The following KCNT2 variants were observed in gnomAD, a reference collection of about 807,000 sequenced individuals.
KCNT2 encodes potassium channel subfamily T member 2.
KCNT2 carries 67 observed loss-of-function variants against 153.8 expected under a neutral mutation model. That is an observed-to-expected ratio of 0.44 (90% CI 0.36 to 0.53). The LOEUF (loss-of-function observed/expected upper bound fraction) is 0.53, where lower values mean the gene tolerates loss of function less well. KCNT2 is among the 20% of genes least tolerant of loss of function. The pLI, the probability that KCNT2 is intolerant of heterozygous loss-of-function variation, is 0.00. For synonymous variants in KCNT2, 500 were observed against 458.8 expected (o/e 1.09, Z -1.15); for missense variants, 975 against 1,354.8 (o/e 0.72, Z 4.40).
intron 8 of KCNT2, among the ~76,000 whole-genome samples, chr1:196,440,417 T>C (rs1675123412): frequency 6.6e-6 from 1 of 152,050 alleles, no homozygotes; most frequent in African/African-American, 2.4e-5. Flanking sequence ...ATTGCACTAA[T>C]ATTTATTGTG....
intron 1 of KCNT2, among the ~76,000 whole-genome samples, chr1:196,605,158 C>T (rs1213551680): frequency 6.6e-6 from 1 of 152,174 alleles, no homozygotes; most frequent in Non-Finnish European, 1.5e-5. Context: ...AACACAATTC[C>T]CCCATCATTA....
rs879663761 is a variant in KCNT2 at position 196,445,905 on chromosome 1, CA to C, written c.639-16149del. Among the ~76,000 whole-genome samples, 414 of 141,848 alleles carry C rather than the reference CA, an allele frequency of 2.9e-3. 3 individuals are homozygous for C. Among genetic ancestry groups the C allele is most frequent in the African/African-American group, 5.7e-3 (227 of 39,564 alleles). The allele number at this position is 141,848 out of a possible 152,430, so 93.1% of individuals were successfully genotyped here. Reference sequence around the variant, plus strand: ...ATCTTTACAGAATGGCCTCTTAGACCAAAAAAAAAAAATTACTGCAAATTAC... The same window carrying C: ...ATCTTTACAGAATGGCCTCTTAGACCAAAAAAAAAAATTACTGCAAATTAC... On this transcript the variant is annotated intron_variant, in intron 8 of 27. Transcript: ENST00000294725.
intron 21 of KCNT2, among the ~76,000 whole-genome samples, chr1:196,310,712 T>C (rs1662086649): frequency 1.3e-5 from 2 of 151,896 alleles, no homozygotes; most frequent in South Asian, 2.1e-4. Flanking sequence ...TCTATGCTCT[T>C]ATAGTTGTGG....
At chr1:196,375,041 T>C (rs1224153948) in intron 13 of KCNT2, among the ~76,000 whole-genome samples, 1 of 151,824 alleles carries the variant, frequency 6.6e-6, no homozygotes, top group Non-Finnish European at 1.5e-5. Context: ...GGATGTGTTA[T>C]ACTTTGAAAA....
At chr1:196,264,420 C>A (rs1191652628) in intron 25 of KCNT2, among the ~76,000 whole-genome samples, 1 of 152,016 alleles carries the variant, frequency 6.6e-6, no homozygotes, top group Non-Finnish European at 1.5e-5. Flanking sequence ...AAATTTAAGT[C>A]TTCTCCATCA....
In KCNT2 at chr1:196,340,417, C is replaced by T; in HGVS notation, c.1707G>A (p.Gln569=). The T allele has an allele frequency of 6.2e-7, 1 of 1,612,828 alleles. No individual in the cohort carries two copies. Among genetic ancestry groups the T allele is most frequent in the Non-Finnish European group, 8.5e-7 (1 of 1,179,290 alleles). The part of the protein sequence containing the change: ...ENSAFKNQDQ[Q]RKSNVSRSFY... ...ACGACCTGGACACATTGCTTTTTCT[C>T]TGCTGGTCTTGGTTTTTAAATGCTG... The change falls in exon 16 of 28, where the codon CAG becomes CAA. Residue 569 remains glutamine (Q), a synonymous_variant. Coordinates refer to ENST00000294725, the MANE Select transcript of KCNT2 (RefSeq NM_198503.5).
At chr1:196,577,507 A>G (rs771607697) in intron 1 of KCNT2, among the ~76,000 whole-genome samples, 2 of 152,184 alleles carry the variant, frequency 1.3e-5, no homozygotes, top group Non-Finnish European at 2.9e-5. Flanking sequence ...CACAGATAAT[A>G]GATTCCAGAG....
At chr1:196,550,978 G>T (rs796459927) in intron 1 of KCNT2, among the ~76,000 whole-genome samples, 2 of 151,936 alleles carry the variant, frequency 1.3e-5, no homozygotes, top group East Asian at 3.9e-4. Context: ...GATATTTGCA[G>T]AATTTGTGCC....
chr1:196,546,609 A>G (rs1657135532), intron 1 of KCNT2, among the ~76,000 whole-genome samples: 1 of 152,074 alleles, frequency 6.6e-6, no homozygotes, highest in Non-Finnish European at 1.5e-5. Context: ...AGTAGTATAA[A>G]AGGAAAAACC....
intron 22 of KCNT2, among the ~76,000 whole-genome samples, chr1:196,290,842 T>C (rs1660125572): frequency 6.6e-6 from 1 of 152,048 alleles, no homozygotes; most frequent in African/African-American, 2.4e-5. Context: ...TAATGTCTCT[T>C]TTCAGATAAA....
intron 25 of KCNT2, among the ~76,000 whole-genome samples, chr1:196,264,118 A>C (rs1041000024): frequency 3.9e-5 from 6 of 151,950 alleles, no homozygotes; most frequent in African/African-American, 1.5e-4. Context: ...ATAAGGCTTC[A>C]ATTTCTTAAT....
intron 25 of KCNT2, among the ~76,000 whole-genome samples, chr1:196,265,156 G>T (rs1015254631): frequency 6.6e-6 from 1 of 152,192 alleles, no homozygotes; most frequent in African/African-American, 2.4e-5. Context: ...ATCTATGAAA[G>T]GTAGTCTTAA....
At chr1:196,486,703 G>A (rs1365949589) in intron 3 of KCNT2, among the ~76,000 whole-genome samples, 1 of 25,404 alleles carries the variant, frequency 3.9e-5, no homozygotes. Context: ...CTCAAAGACT[G>A]GTAGCTCTAA....
rs375964401 is a variant in KCNT2, at chr1:196,305,315, C to T, written c.2514G>A (p.Glu838=). ...ATCTCATGTTGGCGGGGTGAGTTAGCTCTGTGATAATACTGAGACTGGAAA... is the reference window on the plus strand; with the variant it reads ...ATCTCATGTTGGCGGGGTGAGTTAGTTCTGTGATAATACTGAGACTGGAAA... ...RLFSSLSIIT[E]LTHPANMRFM... Residue 838 remains glutamate, a synonymous_variant, in exon 22 of 28, where the codon GAG becomes GAA. Transcript: ENST00000294725. 1.2e-6 allele frequency: 2 copies of T among 1,610,990 alleles called. No homozygotes were observed. Among genetic ancestry groups the T allele is most frequent in the Non-Finnish European group, 1.7e-6 (2 of 1,177,590 alleles).
intron 25 of KCNT2, among the ~76,000 whole-genome samples, chr1:196,265,262 C>A (rs1657430254): frequency 6.6e-6 from 1 of 152,136 alleles, no homozygotes; most frequent in South Asian, 2.1e-4. Flanking sequence ...ATTGTCGAGA[C>A]AATTATGCTG....
chr1:196,337,793 C>T (rs1665180893), intron 16 of KCNT2, among the ~76,000 whole-genome samples: 1 of 152,086 alleles, frequency 6.6e-6, no homozygotes, highest in Non-Finnish European at 1.5e-5. Flanking sequence ...CCTATACTAG[C>T]TCTGTTTTCT....
At chr1:196,235,057 C>T (rs1654308823) in intron 27 of KCNT2, among the ~76,000 whole-genome samples, 1 of 151,330 alleles carries the variant, frequency 6.6e-6, no homozygotes, top group African/African-American at 2.4e-5. Context: ...TAAGTGCTGT[C>T]CATCATCTAT....
At chr1:196,410,849 A>C (rs1272967650) in intron 12 of KCNT2, among the ~76,000 whole-genome samples, 6 of 151,670 alleles carry the variant, frequency 4.0e-5, no homozygotes, top group African/African-American at 1.5e-4. Context: ...TAAAGTCTTT[A>C]AGCTGATTTT....
At chr1:196,531,702 T>C (rs990041541) in intron 1 of KCNT2, among the ~76,000 whole-genome samples, 5 of 152,116 alleles carry the variant, frequency 3.3e-5, no homozygotes, top group Admixed American at 3.3e-4. Flanking sequence ...AGATTTGTGA[T>C]AAGTTTGCTG....
Sources: gnomAD v4.1 joint callset for allele counts (sites outside exome capture counted in the v4.1 genomes callset) on GRCh38, gnomAD v4.1.1 for gene constraint, MANE v1.5 for transcripts, NCBI Gene and HGNC (gene_info 2026-07-23, HGNC 2026-07-21) for gene names.